The following ERCC6 variants were observed in gnomAD, a reference collection of about 807,000 sequenced individuals.
ERCC6 encodes ERCC excision repair 6, chromatin remodeling factor.
In ERCC6, 116 loss-of-function variants were observed where a neutral mutation model predicts 158.7. The ratio of observed to expected loss-of-function variants is 0.73; its 90% CI spans 0.63 to 0.85. ERCC6 has a LOEUF of 0.85. Among genes scored for constraint, ERCC6 ranks in the 40% least tolerant of loss-of-function variants. ERCC6 has a pLI of 0.00. For synonymous variants in ERCC6, 678 were observed against 659.3 expected (o/e 1.03, Z -0.43); for missense variants, 1,698 against 1,799.4 (o/e 0.94, Z 1.02).
At chr10:49,477,071 G>A (rs1301386287) in intron 11 of ERCC6, among the ~76,000 whole-genome samples, 3 of 152,030 alleles carry the variant, frequency 2.0e-5, no homozygotes, top group African/African-American at 7.2e-5. Flanking sequence ...GGTCCTCTAC[G>A]CATGCCCGCC....
At chr10:49,440,882 G>A in the ERCC6 span, among the ~76,000 whole-genome samples, 1 of 152,210 alleles carries the variant, frequency 6.6e-6, no homozygotes, top group Non-Finnish European at 1.5e-5. Flanking sequence ...AGAAGCTGTA[G>A]TCACAGAAAT....
intron 8 of ERCC6, 132 bp from the exon 9 acceptor site, chr10:49,483,648 G>T: frequency 1.1e-6 from 1 of 904,080 alleles, no homozygotes; most frequent in Non-Finnish European, 1.7e-6. Context: ...GACATTATCA[G>T]CACTGGAAGT....
chr10:49,508,072 C>T (rs770245335), intron 5 of ERCC6, among the ~76,000 whole-genome samples: 38 of 152,084 alleles, frequency 2.5e-4, no homozygotes, highest in African/African-American at 8.7e-4. Flanking sequence ...AAACTATGAA[C>T]GCAGAGCCAA....
intron 7 of ERCC6, among the ~76,000 whole-genome samples, chr10:49,498,157 T>C (rs1030700144): frequency 6.6e-6 from 1 of 152,178 alleles, no homozygotes; most frequent in African/African-American, 2.4e-5. Flanking sequence ...GAAACACACA[T>C]ACAACACACA....
At position 49,463,300 on chromosome 10, in the gene ERCC6, C is replaced by T. The variant is rs571528895; in HGVS notation, c.3779-1744G>A. 2.6e-5 allele frequency among the ~76,000 whole-genome samples: 4 copies of T among 152,264 alleles called. No individual in the cohort carries two copies. The South Asian group carries it at 8.3e-4, about 32-fold the overall frequency. Reference sequence around the variant, plus strand: ...ATTGTGTTTTGACTGTGACCCATCACATGAAGTCAGGTGTGGAATTTTCCA... The same window carrying T: ...ATTGTGTTTTGACTGTGACCCATCATATGAAGTCAGGTGTGGAATTTTCCA... On this transcript the variant is annotated intron_variant, in intron 18 of 20. Coordinates refer to ENST00000355832, the MANE Select transcript of ERCC6 (RefSeq NM_000124.4).
intron 8 of ERCC6, among the ~76,000 whole-genome samples, chr10:49,484,830 A>G (rs1851049017): frequency 6.6e-6 from 1 of 152,256 alleles, no homozygotes; most frequent in Non-Finnish European, 1.5e-5. Context: ...CTTCAGAGGA[A>G]AAAGACTACC....
chr10:49,458,627 T>C lies in ERCC6; in HGVS notation c.*188A>G, dbSNP rs1850521920. 1.6e-6 allele frequency: 1 copy of C among 627,346 alleles called. No homozygotes were observed. Among genetic ancestry groups the C allele is most frequent in the East Asian group, 2.8e-5 (1 of 35,506 alleles). The allele number at this position is 627,346 out of a possible 1,614,324, so 38.9% of individuals were successfully genotyped here. A position where few individuals can be genotyped will look rare whatever the true frequency, so the allele number is the denominator to read the frequency against. ...CAAGTATTTTCTCCTTTAGCTAGCA[T>C]TATTAAAACTTTTAACTTTCAGAGA... On this transcript the variant is annotated 3_prime_UTR_variant, in exon 21 of 21. Transcript: ENST00000355832.
At chr10:49,462,176 G>A (rs1850594847) in intron 18 of ERCC6, among the ~76,000 whole-genome samples, 1 of 152,192 alleles carries the variant, frequency 6.6e-6, no homozygotes, top group South Asian at 2.1e-4. Flanking sequence ...GGAAAGAAGA[G>A]ACACAACAGG....
intron 6 of ERCC6, chr10:49,501,811 T>C (rs890355037): frequency 6.6e-6 from 1 of 151,666 alleles, no homozygotes; most frequent in African/African-American, 2.4e-5. Context: ...AAAAAAAAAT[T>C]TAGCCAGGAG....
At position 49,532,863 on chromosome 10, in the gene ERCC6, T is replaced by G. The variant is rs763629907; in HGVS notation, c.102A>C (p.Glu34Asp). The stretch of plus-strand genomic sequence containing the variant: ...CCTCCACCTCCCCATCACCACCACT[T>G]TCTTGCTTGATTGCCATTTCTTCAT... ...SNNEEMAIKQ[E>D]SGGDGEVEEY... The change falls in exon 2 of 21, where the codon GAA (glutamate) becomes GAC (aspartate). Residue 34 changes from glutamate (E) to aspartate (D), a missense_variant. Transcript: ENST00000355832. 1.9e-6 allele frequency: 3 copies of G among 1,614,130 alleles called. No homozygotes were observed. The highest frequency in any genetic ancestry group is 2.7e-5 in the African/African-American group (2 of 74,940).
At chr10:49,516,728 T>A in intron 5 of ERCC6, 1 of 1,614,144 alleles carries the variant, frequency 6.2e-7, no homozygotes, top group Non-Finnish European at 8.5e-7. Context: ...TTGGTGGTGC[T>A]GTAACTCTAC....
In ERCC6 at chr10:49,498,020, T is replaced by C. The variant is rs1019475553; in HGVS notation, c.1685+2518A>G. 7.2e-5 allele frequency among the ~76,000 whole-genome samples: 11 copies of C among 152,318 alleles called. No homozygotes were observed. The South Asian group carries it at 1.4e-3, about 20-fold the overall frequency. On this transcript the variant is annotated intron_variant, in intron 7 of 20. Transcript: ENST00000355832. Reference sequence around the variant, plus strand: ...AATTTATTTCCTTTTCATTATAAGATTGAGGGGCCTATCATTATAATATGA... The same window carrying C: ...AATTTATTTCCTTTTCATTATAAGACTGAGGGGCCTATCATTATAATATGA...
At chr10:49,494,140 A>G (rs1473327407) in intron 7 of ERCC6, among the ~76,000 whole-genome samples, 1 of 152,224 alleles carries the variant, frequency 6.6e-6, no homozygotes, top group East Asian at 1.9e-4. Context: ...AGCATGGGCC[A>G]GTGGTTAGAG....
rs761638923 is a variant in ERCC6, at chr10:49,470,703, T to C, written c.3257A>G (p.Asn1086Ser). The C allele has an allele frequency of 6.2e-7, 1 of 1,614,100 alleles. No individual in the cohort carries two copies. Among genetic ancestry groups the C allele is most frequent in the Non-Finnish European group, 8.5e-7 (1 of 1,180,016 alleles). The part of the protein sequence containing the change: ...KGAEVNAVTS[N>S]RSDPLKDDPH... The stretch of plus-strand genomic sequence containing the variant: ...GTCATCTTTCAAAGGATCACTTCGA[T>C]TAGAAGTTACTGCATTTACTTCAGC... Residue 1086 changes from asparagine to serine, a missense_variant, in exon 18 of 21, where the codon AAT becomes AGT. Transcript: ENST00000355832.
At chr10:49,449,332 T>C (rs1190821715), downstream of ERCC6, among the ~76,000 whole-genome samples, 1 of 152,206 alleles carries the variant, frequency 6.6e-6, no homozygotes, top group Non-Finnish European at 1.5e-5. Flanking sequence ...TGAGTCTTTA[T>C]TAGATATGAT....
chr10:49,481,702 C>T (rs1850982404), intron 10 of ERCC6, among the ~76,000 whole-genome samples: 1 of 152,252 alleles, frequency 6.6e-6, no homozygotes, highest in African/African-American at 2.4e-5. Context: ...TTCCATCAGG[C>T]ACCCGGGCCT....
Position 49,458,739 on chromosome 10 carries a change from T to A in ERCC6, c.*76A>T, listed in dbSNP as rs1486722570. The A allele has an allele frequency of 2.7e-6, 4 of 1,455,208 alleles. No homozygotes were observed. Among genetic ancestry groups the A allele is most frequent in the African/African-American group, 1.4e-5 (1 of 70,628 alleles). The allele number at this position is 1,455,208 out of a possible 1,614,324, so 90.1% of individuals were successfully genotyped here. A position where few individuals can be genotyped will look rare whatever the true frequency, so the allele number is the denominator to read the frequency against. ...TGCAGCCAACTTCCATTGACAAACATGATTATTAATAATAAATTAATAATC... is the reference window on the plus strand; with the variant it reads ...TGCAGCCAACTTCCATTGACAAACAAGATTATTAATAATAAATTAATAATC... On this transcript the variant is annotated 3_prime_UTR_variant, in exon 21 of 21. Transcript: ENST00000355832.
intron 5 of ERCC6, among the ~76,000 whole-genome samples, chr10:49,520,144 A>G (rs1188163572): frequency 2.6e-5 from 4 of 152,336 alleles, no homozygotes; most frequent in South Asian, 2.1e-4. Context: ...AGAGAAATAC[A>G]TAAGACTGAC....
intron 8 of ERCC6, chr10:49,488,018 T>C (rs1851105203): frequency 6.5e-6 from 1 of 153,648 alleles, no homozygotes; most frequent in Admixed American, 6.5e-5. Context: ...TAATGGTGAA[T>C]TGTTGAATAT....
Sources: gnomAD v4.1 joint callset for allele counts (sites outside exome capture counted in the v4.1 genomes callset) on GRCh38, gnomAD v4.1.1 for gene constraint, MANE v1.5 for transcripts, NCBI Gene and HGNC (gene_info 2026-07-23, HGNC 2026-07-21) for gene names.